Variants in CFAP299 observed in about 807,000 individuals in gnomAD.
The protein encoded by CFAP299 is cilia- and flagella-associated protein 299.
A neutral mutation model predicts 27.0 loss-of-function variants in CFAP299; 21 were observed. The observed-to-expected ratio is 0.78, with a 90% CI of 0.55 to 1.12. CFAP299 has a LOEUF of 1.12. Among genes scored for constraint, CFAP299 ranks in the 50% most tolerant of loss-of-function variants. The pLI is 0.00. For synonymous variants in CFAP299, 104 were observed against 98.1 expected, an observed-to-expected ratio of 1.06 and a Z score of -0.36; for missense variants, 310 against 276.6, an observed-to-expected ratio of 1.12 and a Z score of -0.86.
At chr4:80,948,236 G>T (rs1737573535) in intron 5 of CFAP299, among the ~76,000 whole-genome samples, 1 of 152,182 alleles carries the variant, frequency 6.6e-6, no homozygotes, top group African/African-American at 2.4e-5. Context: ...AGTTGTTTGG[G>T]AATGGTAACA....
chr4:80,927,317 A>G lies in CFAP299; in HGVS notation c.477-17493A>G, dbSNP rs892494850. On this transcript the variant is annotated intron_variant, in intron 4 of 5. Transcript: ENST00000358105. Reference sequence around the variant, plus strand: ...GGTCAAATTCCTTTCAATATTCAAAATAAATTCTGAGCCTCTGGTCCATCC... The same window carrying G: ...GGTCAAATTCCTTTCAATATTCAAAGTAAATTCTGAGCCTCTGGTCCATCC... 3.3e-5 allele frequency among the ~76,000 whole-genome samples: 5 copies of G among 152,056 alleles called. No individual in the cohort carries two copies. In the South Asian group the frequency reaches 6.2e-4, roughly 19 times the overall value.
At chr4:80,736,930 T>C (rs1578074901) in intron 3 of CFAP299, among the ~76,000 whole-genome samples, 2 of 152,198 alleles carry the variant, frequency 1.3e-5, no homozygotes, top group East Asian at 3.9e-4. Flanking sequence ...CCAACAATGA[T>C]AGACTGGATT....
At chr4:80,691,788 G>GA (rs1720717308) in intron 3 of CFAP299, among the ~76,000 whole-genome samples, 1 of 152,150 alleles carries the variant, frequency 6.6e-6, no homozygotes, top group African/African-American at 2.4e-5. Flanking sequence ...TGTATATCTA[G>GA]AAAACCCCAT....
At chr4:80,633,631 A>G (rs16998198) in intron 3 of CFAP299, among the ~76,000 whole-genome samples, 11,662 of 152,184 alleles carry the variant, frequency 0.077, 668 homozygotes, top group East Asian at 0.23. Flanking sequence ...AGGGGTTTAG[A>G]TATGGCAAAA....
chr4:80,954,267 G>GT (rs1309045638), intron 5 of CFAP299, among the ~76,000 whole-genome samples: 1 of 152,070 alleles, frequency 6.6e-6, no homozygotes, highest in African/African-American at 2.4e-5. Flanking sequence ...AAAAGAGCAT[G>GT]TTTTTTTCCT....
At chr4:80,437,801 T>C (rs746306120) in intron 2 of CFAP299, among the ~76,000 whole-genome samples, 29 of 152,212 alleles carry the variant, frequency 1.9e-4, no homozygotes, top group Non-Finnish European at 3.4e-4. Context: ...TTAGTAATAT[T>C]GTAATTTTTA....
chr4:80,719,379 A>G (rs1722687508), intron 3 of CFAP299, among the ~76,000 whole-genome samples: 1 of 152,162 alleles, frequency 6.6e-6, no homozygotes, highest in Admixed American at 6.5e-5. Flanking sequence ...TTCTATGTTG[A>G]CATTTTTGTT....
chr4:80,660,420 T>G (rs1740784862), intron 3 of CFAP299, among the ~76,000 whole-genome samples: 1 of 152,114 alleles, frequency 6.6e-6, no homozygotes, highest in African/African-American at 2.4e-5. Context: ...AAATAAAATG[T>G]GAAGTAGGTA....
At chr4:80,359,880 A>G (rs1389220353) in intron 1 of CFAP299, among the ~76,000 whole-genome samples, 1 of 152,210 alleles carries the variant, frequency 6.6e-6, no homozygotes, top group Admixed American at 6.5e-5. Flanking sequence ...TGTGGTCATT[A>G]AGAGGAAAGA....
chr4:80,767,146 C>T (rs1725915910), intron 3 of CFAP299, among the ~76,000 whole-genome samples: 1 of 151,842 alleles, frequency 6.6e-6, no homozygotes, highest in Non-Finnish European at 1.5e-5. Flanking sequence ...TATGTATTTT[C>T]CTCTATGTAC....
chr4:80,869,189 T>G (rs1732931360), intron 3 of CFAP299, among the ~76,000 whole-genome samples: 1 of 152,076 alleles, frequency 6.6e-6, no homozygotes, highest in African/African-American at 2.4e-5. Flanking sequence ...CATGGAGAAA[T>G]TGATACTAAT....
intron 3 of CFAP299, among the ~76,000 whole-genome samples, chr4:80,654,743 G>A (rs1367001214): frequency 6.6e-6 from 1 of 151,052 alleles, no homozygotes; most frequent in Non-Finnish European, 1.5e-5. Context: ...GAGTAGCTGG[G>A]ACTATAGGCA....
intron 3 of CFAP299, among the ~76,000 whole-genome samples, chr4:80,603,077 C>T (rs1052368974): frequency 3.9e-5 from 6 of 152,104 alleles, no homozygotes; most frequent in African/African-American, 1.4e-4. Context: ...GATCTCTAAG[C>T]ATGACACCAA....
At chr4:80,550,771 ACACACACACACACG>A (rs1388308971) in intron 2 of CFAP299, among the ~76,000 whole-genome samples, 8 of 151,726 alleles carry the variant, frequency 5.3e-5, no homozygotes, top group Non-Finnish European at 4.4e-5. Context: ...ACACACACAC[ACACACACACACACG>A]CACACACACA....
At chr4:80,850,429 G>A (rs568231342) in intron 3 of CFAP299, among the ~76,000 whole-genome samples, 5 of 152,056 alleles carry the variant, frequency 3.3e-5, no homozygotes, top group Non-Finnish European at 7.4e-5. Flanking sequence ...GATGAGGGAG[G>A]AGAAAATGGT....
In CFAP299 at chr4:80,665,156, C is replaced by T. The variant is rs144188281; in HGVS notation, c.333+81973C>T. Among the ~76,000 whole-genome samples the T allele has an allele frequency of 6.6e-4, 100 of 152,196 alleles. No individual in the cohort carries two copies. The East Asian group carries it at 0.012, about 19-fold the overall frequency. ...ATTTGTCTTGCTGGGAACTGCAGACCGGAGCTGTTTCTATTTGGCCATCTT... is the reference window on the plus strand; with the variant it reads ...ATTTGTCTTGCTGGGAACTGCAGACTGGAGCTGTTTCTATTTGGCCATCTT... On this transcript the variant is annotated intron_variant, in intron 3 of 5. Coordinates refer to ENST00000358105, the MANE Select transcript of CFAP299 (RefSeq NM_152770.3).
At chr4:80,476,282 G>A (rs1331315850) in intron 2 of CFAP299, among the ~76,000 whole-genome samples, 2 of 152,196 alleles carry the variant, frequency 1.3e-5, no homozygotes, top group Non-Finnish European at 2.9e-5. Context: ...ACTCTAGACA[G>A]ATTAATAGGA....
intron 3 of CFAP299, among the ~76,000 whole-genome samples, chr4:80,696,465 A>C (rs559115593): frequency 5.3e-5 from 8 of 152,306 alleles, no homozygotes; most frequent in African/African-American, 1.9e-4. Context: ...AAAGTGATAG[A>C]TGGCAATCAA....
At chr4:80,463,105 G>T (rs1041768167) in intron 2 of CFAP299, among the ~76,000 whole-genome samples, 1 of 151,950 alleles carries the variant, frequency 6.6e-6, no homozygotes, top group African/African-American at 2.4e-5. Context: ...TGGGGCAGAA[G>T]AAAACTCTAA....
Sources: gnomAD v4.1 joint callset for allele counts (sites outside exome capture counted in the v4.1 genomes callset) on GRCh38, gnomAD v4.1.1 for gene constraint, MANE v1.5 for transcripts, NCBI Gene and HGNC (gene_info 2026-07-23, HGNC 2026-07-21) for gene names.